STS: variants seen among roughly 807,000 people sequenced by gnomAD.
STS encodes the protein steroid sulfatase, also known as steryl-sulfatase.
STS carries 7 observed loss-of-function variants against 26.8 expected under a neutral mutation model. The ratio of observed to expected loss-of-function variants is 0.26; its 90% confidence interval spans 0.15 to 0.49. The LOEUF is 0.49. Among genes scored for constraint, STS ranks in the 20% least tolerant of loss-of-function variants. The pLI is 0.98. For missense variants in STS, 434 were observed against 465.6 expected, an observed-to-expected ratio of 0.93 and a Z score of 0.63; for synonymous variants, 199 against 189.4, an observed-to-expected ratio of 1.05 and a Z score of -0.42.
intron 2 of STS, among the ~76,000 whole-genome samples, chrX:7,241,156 CA>C (rs1922600852): frequency 8.9e-6 from 1 of 111,778 alleles, no homozygotes; most frequent in Non-Finnish European, 1.9e-5. Flanking sequence ...TGATAAAAAA[CA>C]AAGAACATGG....
At chrX:7,162,797 A>T (rs1469650118) in intron 1 of STS, among the ~76,000 whole-genome samples, 1 of 105,654 alleles carries the variant, frequency 9.5e-6, no homozygotes, top group Non-Finnish European at 1.9e-5. Flanking sequence ...CTGTAATCCC[A>T]GCACTTTGGG....
chrX:7,195,421 GTGT>G (rs1171704759), intron 2 of STS, among the ~76,000 whole-genome samples: 2 of 112,175 alleles, frequency 1.8e-5, no homozygotes, highest in Non-Finnish European at 3.8e-5. Context: ...ATTAACACAG[GTGT>G]TGTGGCTCTG....
At chrX:7,159,526 C>T (rs775481420) in intron 1 of STS, among the ~76,000 whole-genome samples, 1 of 112,327 alleles carries the variant, frequency 8.9e-6, no homozygotes, top group Non-Finnish European at 1.9e-5. Flanking sequence ...TCTGTCCCAC[C>T]CCACCATTAT....
At chrX:7,154,891 A>G (rs1933102513) in intron 1 of STS, among the ~76,000 whole-genome samples, 1 of 112,553 alleles carries the variant, frequency 8.9e-6, no homozygotes, top group Middle Eastern at 4.2e-3. Flanking sequence ...TTCTTCAATT[A>G]TGATGTCAGT....
chrX:7,270,600 G>A (rs1027490250), intron 6 of STS, among the ~76,000 whole-genome samples: 11 of 111,823 alleles, frequency 9.8e-5, no homozygotes, highest in African/African-American at 2.9e-4. Context: ...AACTCTACTC[G>A]ATGCACAGAG....
chrX:7,325,311 G>C (rs368398768), intron 8 of STS, 28 bp from the exon 9 acceptor site: 2 of 1,208,116 alleles, frequency 1.7e-6, no homozygotes, highest in Non-Finnish European at 2.2e-6. Flanking sequence ...TCTCCCTGTT[G>C]CCTCTTACCT....
chrX:7,201,298 G>A (rs1414891452), intron 2 of STS, among the ~76,000 whole-genome samples: 3 of 111,493 alleles, frequency 2.7e-5, no homozygotes, highest in South Asian at 3.8e-4. Context: ...TACTTTTATG[G>A]TTTTCATGTT....
chrX:7,350,671 C>A lies in STS; in HGVS notation c.*410C>A. ...TCAACAGTATAAGTTACCATTTACTCTATAATCTGCAGTGATGCAATAACC... is the reference window on the plus strand; with the variant it reads ...TCAACAGTATAAGTTACCATTTACTATATAATCTGCAGTGATGCAATAACC... On this transcript the variant is annotated 3_prime_UTR_variant, in exon 11 of 11. Coordinates refer to ENST00000674429, the MANE Select transcript of STS (RefSeq NM_001320752.2). 1 of 143,997 alleles carries A rather than the reference C, an allele frequency of 6.9e-6. No individual in the cohort carries two copies. The highest frequency in any genetic ancestry group is 1.4e-5 in the Non-Finnish European group (1 of 73,414). 11.9% of individuals were successfully genotyped at this position (143,997 alleles called of 1,213,427 possible).
chrX:7,354,515 C>T lies in STS; in HGVS notation c.*4254C>T, dbSNP rs1231177058. On this transcript the variant is annotated 3_prime_UTR_variant, in exon 11 of 11. Transcript: ENST00000674429. ...GTCTTTAGAGCTCAGCTTTCTGAGGCCCTGAGCATTCTTGGTTTTCCGACA... is the reference window on the plus strand; with the variant it reads ...GTCTTTAGAGCTCAGCTTTCTGAGGTCCTGAGCATTCTTGGTTTTCCGACA... 2 of 112,000 alleles carry T rather than the reference C, an allele frequency of 1.8e-5. No homozygotes were observed. Among genetic ancestry groups the T allele is most frequent in the African/African-American group, 3.2e-5 (1 of 30,791 alleles). The allele number at this position is 112,000 out of a possible 1,213,427, so 9.2% of individuals were successfully genotyped here.
chrX:7,166,823 T>G (rs774358879), intron 1 of STS, among the ~76,000 whole-genome samples: 1 of 111,997 alleles, frequency 8.9e-6, no homozygotes, highest in Non-Finnish European at 1.9e-5. Context: ...CAAGACCAGC[T>G]GAAAATTCTT....
rs759106792 is a variant in STS at position 7,183,875 on chromosome X, G to A, written c.-133-7005G>A. ...AAATTAGCCATGTGTGGTGGCAGGC[G>A]TCTGTAATCCCAGCTACTCAGGAGG... On this transcript the variant is annotated intron_variant, in intron 1 of 10. Coordinates refer to ENST00000674429, the MANE Select transcript of STS (RefSeq NM_001320752.2). Among the ~76,000 whole-genome samples, 74 of 111,130 alleles carry A rather than the reference G, an allele frequency of 6.7e-4. 1 individual carries two copies. The highest frequency in any genetic ancestry group is 9.4e-4 in the Non-Finnish European group (50 of 53,029).
At chrX:7,239,423 G>T (rs1275378808) in intron 2 of STS, among the ~76,000 whole-genome samples, 1 of 111,879 alleles carries the variant, frequency 8.9e-6, no homozygotes, top group African/African-American at 3.2e-5. Context: ...TCCCCATCGA[G>T]CAAATAGATC....
chrX:7,215,114 T>TAC (rs1401922190), intron 2 of STS, among the ~76,000 whole-genome samples: 22 of 76,557 alleles, frequency 2.9e-4, no homozygotes, highest in African/African-American at 1.2e-3. Context: ...TATACACATA[T>TAC]ATACACACAC....
intron 6 of STS, among the ~76,000 whole-genome samples, chrX:7,273,911 T>A (rs1924404719): frequency 9.0e-6 from 1 of 111,612 alleles, no homozygotes; most frequent in Non-Finnish European, 1.9e-5. Flanking sequence ...AGGTTAATGC[T>A]CCATGGTGCT....
intron 8 of STS, among the ~76,000 whole-genome samples, chrX:7,315,221 A>G: frequency 8.9e-6 from 1 of 112,395 alleles, no homozygotes; most frequent in East Asian, 2.8e-4. Context: ...TGCATTAGAC[A>G]GTTTGTTCTC....
At chrX:7,169,523 T>C (rs1933420770) in intron 1 of STS, among the ~76,000 whole-genome samples, 2 of 112,279 alleles carry the variant, frequency 1.8e-5, no homozygotes, top group African/African-American at 6.5e-5. Context: ...GAGTTCCTAT[T>C]TTCAGTAATT....
intron 8 of STS, among the ~76,000 whole-genome samples, chrX:7,309,226 A>T (rs1293660671): frequency 9.0e-6 from 1 of 111,727 alleles, no homozygotes; most frequent in Non-Finnish European, 1.9e-5. Flanking sequence ...AAAGAATGAG[A>T]TCATGTCTTT....
At position 7,189,918 on chromosome X, in the gene STS, G is replaced by A. The variant is rs185696227; in HGVS notation, c.-133-962G>A. 5.0e-3 allele frequency among the ~76,000 whole-genome samples: 555 copies of A among 110,920 alleles called. 3 individuals are homozygous for A. Among genetic ancestry groups the A allele is most frequent in the African/African-American group, 0.017 (526 of 30,497 alleles). On this transcript the variant is annotated intron_variant, in intron 1 of 10. Transcript: ENST00000674429. ...GTGGCAGTGGTGTAAGCCAAGAGGT[G>A]AGGATGGGTAGGAGTTAGGCAGAGA... is the stretch of plus-strand genomic sequence containing the variant.
At chrX:7,313,792 C>A (rs1423968462) in intron 8 of STS, among the ~76,000 whole-genome samples, 1 of 112,089 alleles carries the variant, frequency 8.9e-6, no homozygotes. Context: ...AGCTTAAATT[C>A]TACTAAAAGA....
Sources: allele counts gnomAD v4.1 joint callset (sites outside exome capture counted in the v4.1 genomes callset), GRCh38; gene constraint gnomAD v4.1.1; transcripts MANE v1.5; gene names NCBI Gene and HGNC (gene_info 2026-07-23, HGNC 2026-07-21).